The following PHF19 variants were observed in gnomAD, a reference collection of about 807,000 sequenced individuals.
PHF19 encodes the protein polycomb like 3.
PHF19 carries 21 observed loss-of-function variants against 79.8 expected under a neutral mutation model. That is an observed-to-expected ratio of 0.26 (90% CI 0.19 to 0.38). PHF19 has a LOEUF of 0.38. Ranked by LOEUF, PHF19 falls within the 10% of genes least tolerant of loss-of-function variation. The pLI, the probability that PHF19 is intolerant of heterozygous loss-of-function variation, is 1.00. For missense variants in PHF19, 445 were observed against 744.2 expected (o/e 0.60, Z 4.68); for synonymous variants, 273 against 296.3 (o/e 0.92, Z 0.81).
upstream of PHF19, chr9:120,877,273 G>A (rs1041946283): frequency 4.4e-6 from 4 of 917,820 alleles, no homozygotes; most frequent in African/African-American, 7.2e-5. Flanking sequence ...GGCGGCGGAG[G>A]GAGGGGCCGG....
intron 1 of PHF19, chr9:120,894,774 T>A (rs1251805647): frequency 9.0e-6 from 11 of 1,225,864 alleles, no homozygotes; most frequent in Non-Finnish European, 1.0e-5. Context: ...TTCTTGTCGA[T>A]CTCCCGGACC....
chr9:120,900,455 C>T, the PHF19 span, among the ~76,000 whole-genome samples: 6 of 152,338 alleles, frequency 3.9e-5, no homozygotes, highest in East Asian at 9.6e-4. Flanking sequence ...TCTACTTTCT[C>T]AAAAATGCAA....
At chr9:120,875,440 C>T (rs1421007530) in intron 1 of PHF19, among the ~76,000 whole-genome samples, 1 of 152,210 alleles carries the variant, frequency 6.6e-6, no homozygotes, top group Non-Finnish European at 1.5e-5. Context: ...CTCTCACCAT[C>T]CTATTCAACG....
intron 1 of PHF19, among the ~76,000 whole-genome samples, chr9:120,894,410 C>T (rs2046378686): frequency 1.3e-5 from 2 of 152,248 alleles, no homozygotes; most frequent in Non-Finnish European, 2.9e-5. Context: ...CGGAGACTCA[C>T]ATGTTTCCAT....
the PHF19 span, chr9:120,903,450 C>G: frequency 6.6e-6 from 1 of 152,364 alleles, no homozygotes; most frequent in South Asian, 2.1e-4. Flanking sequence ...TGCTCCGTCA[C>G]CTCCTTTGAT....
intron 12 of PHF19, among the ~76,000 whole-genome samples, 175 bp downstream of exon 12, chr9:120,861,743 G>C (rs545542183): frequency 6.6e-6 from 1 of 152,214 alleles, no homozygotes; most frequent in African/African-American, 2.4e-5. Flanking sequence ...GGAGAACTTG[G>C]GGGGAGATAA....
At position 120,869,700 on chromosome 9, in the gene PHF19, C is replaced by T. The variant is rs1459451672; in HGVS notation, c.465+145G>A. The T allele has an allele frequency of 6.4e-7, 1 of 1,553,752 alleles. No homozygotes were observed. Among genetic ancestry groups the T allele is most frequent in the Non-Finnish European group, 8.7e-7 (1 of 1,147,938 alleles). On this transcript the variant is annotated intron_variant, in intron 5 of 14. Transcript: ENST00000373896. The surrounding 1 kb of genome is among the most constrained non-coding windows in gnomAD (Gnocchi z 5.8). ...GCTCAGGGAGTCTACAAATCCTGGC[C>T]AAGGACAGTGGCAGAGGCGCTATCT...
At chr9:120,903,213 A>T in the PHF19 span, 1 of 152,264 alleles carries the variant, frequency 6.6e-6, no homozygotes, top group Non-Finnish European at 1.5e-5. Context: ...GGAACAATAA[A>T]AAGCAGCCCC....
At chr9:120,871,770 T>C (rs1163084340) in intron 3 of PHF19, among the ~76,000 whole-genome samples, 1 of 152,104 alleles carries the variant, frequency 6.6e-6, no homozygotes, top group African/African-American at 2.4e-5. Flanking sequence ...CCGGGCGCAG[T>C]GGCTCACGCC....
chr9:120,863,905 C>T (rs1588096884), intron 10 of PHF19, 144 bp downstream of exon 10: 2 of 734,396 alleles, frequency 2.7e-6, no homozygotes, highest in South Asian at 1.7e-5. Flanking sequence ...TGGGGTACCC[C>T]CTGGATCTCG....
In PHF19 at chr9:120,870,347, C is replaced by G; in HGVS notation, c.364+96G>C. On this transcript the variant is annotated intron_variant, in intron 4 of 14. Coordinates refer to ENST00000373896, the MANE Select transcript of PHF19 (RefSeq NM_015651.3). This position sits in a 1 kb window ranked among gnomAD's most constrained non-coding sequence, Gnocchi z 4.4. ...AGTGCCAAGAGAAACAGGAAGCCAG[C>G]TGAGGCCCCAACAGGCTGCAGCAGT... The G allele has an allele frequency of 9.1e-6, 7 of 768,498 alleles. No individual in the cohort carries two copies. The highest frequency in any genetic ancestry group is 1.6e-5 in the Non-Finnish European group (7 of 443,796). The allele number at this position is 768,498 out of a possible 1,614,324, so 47.6% of individuals were successfully genotyped here. A position where few individuals can be genotyped will look rare whatever the true frequency, so the allele number is the denominator to read the frequency against.
chr9:120,869,788 G>C lies in PHF19; in HGVS notation c.465+57C>G. ...TCAGACTCTGTGATGGGAGTCTCTG[G>C]TCTGCCCCACTGGAGGAGGCAGGAG... On this transcript the variant is annotated intron_variant, in intron 5 of 14. Transcript: ENST00000373896. The surrounding 1 kb of genome is among the most constrained non-coding windows in gnomAD (Gnocchi z 5.8). The C allele has an allele frequency of 6.2e-7, 1 of 1,609,770 alleles. No individual in the cohort carries two copies. Among genetic ancestry groups the C allele is most frequent in the Non-Finnish European group, 8.5e-7 (1 of 1,178,340 alleles).
rs779882408 is a variant in PHF19 at position 120,862,693 on chromosome 9, C to A, written c.1025G>T (p.Arg342Leu). The A allele has an allele frequency of 6.2e-7, 1 of 1,614,150 alleles. No individual in the cohort carries two copies. Among genetic ancestry groups the A allele is most frequent in the South Asian group, 1.1e-5 (1 of 91,086 alleles). Residue 342 changes from arginine to leucine, a missense_variant, in exon 11 of 15, where the codon CGC becomes CTC. Transcript: ENST00000373896. The surrounding 1 kb of genome is among the most constrained non-coding windows in gnomAD (Gnocchi z 4.6). ...KKKCIFRLRI[R>L]VPPNPPGKLL... Reference sequence around the variant, plus strand: ...CTTCCCTGGCGGGTTGGGTGGGACGCGGATGCGCAGGCGGAAGATGCACTT... The same window carrying A: ...CTTCCCTGGCGGGTTGGGTGGGACGAGGATGCGCAGGCGGAAGATGCACTT...
intron 12 of PHF19, 70 bp from the exon 13 acceptor site, chr9:120,861,244 CT>C: frequency 1.1e-6 from 1 of 900,708 alleles, no homozygotes; most frequent in Non-Finnish European, 1.9e-6. Flanking sequence ...CACAGGCTGC[CT>C]CCTATCCAGC....
chr9:120,864,282 C>A (rs1295075050), intron 9 of PHF19, among the ~76,000 whole-genome samples, 166 bp from the exon 10 acceptor site: 1 of 152,226 alleles, frequency 6.6e-6, no homozygotes, highest in Non-Finnish European at 1.5e-5. Context: ...TCTCCAAGTT[C>A]ATTCCCATTT....
upstream of PHF19, among the ~76,000 whole-genome samples, chr9:120,896,545 G>A (rs1268088073): frequency 8.1e-5 from 12 of 147,942 alleles, no homozygotes; most frequent in East Asian, 2.0e-4. Flanking sequence ...TCCGCCTCCC[G>A]GGTTCACGCC....
At chr9:120,880,661 A>C (rs762339965), upstream of PHF19, among the ~76,000 whole-genome samples, 1 of 152,204 alleles carries the variant, frequency 6.6e-6, no homozygotes, top group African/African-American at 2.4e-5. Context: ...AATGATAAAA[A>C]ATGTTTCTTA....
chr9:120,877,028 A>G, intron 1 of PHF19, 63 bp downstream of exon 1: 1 of 985,238 alleles, frequency 1.0e-6, no homozygotes, highest in Non-Finnish European at 1.2e-6. Flanking sequence ...TTTCGAAAAG[A>G]GAGGGATGAG....
chr9:120,886,366 G>C (rs1415650081), intron 1 of PHF19, among the ~76,000 whole-genome samples: 1 of 152,204 alleles, frequency 6.6e-6, no homozygotes, highest in Non-Finnish European at 1.5e-5. Context: ...TGGCTGGTGT[G>C]GTGGCAAGTA....
Sources: allele counts gnomAD v4.1 joint callset (sites outside exome capture counted in the v4.1 genomes callset), GRCh38; gene constraint gnomAD v4.1.1; non-coding constraint Gnocchi (gnomAD v3.1); transcripts MANE v1.5; gene names NCBI Gene and HGNC (gene_info 2026-07-23, HGNC 2026-07-21).